The following DNAH17 variants were observed in gnomAD, a reference collection of about 807,000 sequenced individuals.
DNAH17 encodes the protein dynein axonemal heavy chain 17, also known as axonemal beta dynein heavy chain 17.
A neutral mutation model predicts 485.6 loss-of-function variants in DNAH17; 376 were observed. That is an observed-to-expected ratio of 0.77 (90% confidence interval 0.71 to 0.84). The LOEUF is 0.84. DNAH17 is among the 40% of genes least tolerant of loss of function. The pLI, the probability that DNAH17 is intolerant of heterozygous loss-of-function variation, is 0.00. For missense variants in DNAH17, 6,370 were observed against 5,839.3 expected (o/e 1.09, Z -2.96); for synonymous variants, 3,031 against 2,405.9 (o/e 1.26, Z -7.60).
At chr17:78,484,262 C>T (rs2089484849) in intron 48 of DNAH17, among the ~76,000 whole-genome samples, 1 of 151,900 alleles carries the variant, frequency 6.6e-6, no homozygotes, top group South Asian at 2.1e-4. Flanking sequence ...CCCTGGGCAC[C>T]CTCTGCCTCT....
chr17:78,543,801 C>G (rs888823405), intron 17 of DNAH17, 56 bp downstream of exon 17: 1 of 1,612,316 alleles, frequency 6.2e-7, no homozygotes, highest in Admixed American at 1.7e-5. Flanking sequence ...GGTTTACTCT[C>G]TCCTCCCTGC....
At chr17:78,526,590 A>T in intron 24 of DNAH17, 61 bp downstream of exon 24, 1 of 1,403,960 alleles carries the variant, frequency 7.1e-7, no homozygotes, top group Non-Finnish European at 9.7e-7. Flanking sequence ...TAACTACTTG[A>T]GAAAAGAAAG....
At chr17:78,447,295 C>G (rs565344924) in intron 69 of DNAH17, among the ~76,000 whole-genome samples, 2 of 152,194 alleles carry the variant, frequency 1.3e-5, no homozygotes, top group Admixed American at 6.5e-5. Context: ...TGGACAGATG[C>G]TGGACACCTG....
At chr17:78,450,566 G>T in intron 67 of DNAH17, 116 bp downstream of exon 67, 1 of 1,436,886 alleles carries the variant, frequency 7.0e-7, no homozygotes, top group East Asian at 2.5e-5. Flanking sequence ...GGGCCCACTC[G>T]GGCACGTATG....
chr17:78,448,979 T>G (rs1251899406), intron 69 of DNAH17, among the ~76,000 whole-genome samples: 1 of 152,254 alleles, frequency 6.6e-6, no homozygotes, highest in Non-Finnish European at 1.5e-5. Context: ...TTTAATCAAT[T>G]TCAGAGAATG....
chr17:78,543,287 G>GTA (rs1200669389), intron 17 of DNAH17, among the ~76,000 whole-genome samples: 4 of 139,268 alleles, frequency 2.9e-5, no homozygotes, highest in African/African-American at 1.1e-4. Flanking sequence ...GTTAATTTTT[G>GTA]TTTTTTTTTT....
At chr17:78,461,792 GC>G in intron 57 of DNAH17, 84 bp from the exon 58 acceptor site, 1 of 1,379,600 alleles carries the variant, frequency 7.2e-7, no homozygotes, top group Non-Finnish European at 9.8e-7. Flanking sequence ...AGGGCTGGGA[GC>G]CACAGAGGGG....
Position 78,572,901 on chromosome 17 carries a change from G to C in DNAH17, c.346-7C>G. On this transcript the variant is annotated splice_polypyrimidine_tract_variant and splice_region_variant and intron_variant, in intron 2 of 80. Transcript: ENST00000389840. ...TTAACAGAGAAGAGAGGACCTAAAA[G>C]GAAACACTTCTGTGGTTCCGCCCCC... 3.7e-6 allele frequency: 6 copies of C among 1,612,620 alleles called. No homozygotes were observed. In the South Asian group the frequency reaches 5.5e-5, roughly 15 times the overall value.
At chr17:78,572,594 G>T in intron 3 of DNAH17, 107 bp downstream of exon 3, 1 of 1,069,800 alleles carries the variant, frequency 9.3e-7, no homozygotes, top group Non-Finnish European at 1.3e-6. Context: ...AAGCCACTCT[G>T]CAGGGAAACA....
intron 70 of DNAH17, 104 bp downstream of exon 70, chr17:78,445,454 G>C: frequency 6.9e-7 from 1 of 1,442,938 alleles, no homozygotes; most frequent in Non-Finnish European, 9.2e-7. Flanking sequence ...GAATTTATGG[G>C]CCACAGAGCC....
intron 26 of DNAH17, 144 bp downstream of exon 26, chr17:78,514,630 C>T: frequency 8.7e-7 from 1 of 1,149,808 alleles, no homozygotes; most frequent in Admixed American, 2.7e-5. Flanking sequence ...GCGCAGGTCA[C>T]TTGTGCACGA....
chr17:78,485,044 C>T lies in DNAH17; in HGVS notation c.7484-11G>A. ...GCTTCTCCAGCACCCCTAGAGAGGG[C>T]AGAGGGTCAGCTGCCCGCCTGCGCC... On this transcript the variant is annotated splice_polypyrimidine_tract_variant and intron_variant, in intron 47 of 80. Transcript: ENST00000389840. 2.5e-6 allele frequency: 4 copies of T among 1,593,600 alleles called. No homozygotes were observed. Among genetic ancestry groups the T allele is most frequent in the Non-Finnish European group, 3.4e-6 (4 of 1,170,252 alleles).
rs4969208 is a variant in DNAH17 at position 78,476,926 on chromosome 17, G to T, written c.7993-193C>A. Among the ~76,000 whole-genome samples the T allele has an allele frequency of 5.1e-3, 781 of 152,286 alleles. 15 individuals are homozygous for T. In the South Asian group the frequency reaches 0.057, roughly 11 times the overall value. On this transcript the variant is annotated intron_variant, in intron 51 of 80. Transcript: ENST00000389840. Reference sequence around the variant, plus strand: ...CCAAAAATCCCGGATGCCAGTGTGTGTGTGTGTCCTGAGAGATGTGGAGTT... The same window carrying T: ...CCAAAAATCCCGGATGCCAGTGTGTTTGTGTGTCCTGAGAGATGTGGAGTT...
Position 78,476,718 on chromosome 17 carries a change from T to C in DNAH17, c.8008A>G (p.Thr2670Ala), listed in dbSNP as rs752110895. The part of the protein sequence containing the change: ...SNIFQGLLFS[T>A]AEVLKTPLDL... The stretch of plus-strand genomic sequence containing the variant: ...AGTGGGGTTTTCAGAACTTCTGCTG[T>C]GGAAAATAAGAGTCCCTGCCCCAAA... The change falls in exon 52 of 81, where the codon ACA becomes GCA. Residue 2670 changes from threonine (T) to alanine (A), a missense_variant. Transcript: ENST00000389840. 3 of 1,612,394 alleles carry C rather than the reference T, an allele frequency of 1.9e-6. No individual in the cohort carries two copies. In the East Asian group the frequency reaches 6.7e-5, roughly 36 times the overall value.
intron 41 of DNAH17, 89 bp from the exon 42 acceptor site, chr17:78,492,854 G>GATTTTTTTTTTT (rs1446455641): frequency 2.3e-6 from 1 of 425,580 alleles, no homozygotes; most frequent in Admixed American, 9.9e-5. Flanking sequence ...GGGCCTGGAT[G>GATTTTTTTTTTT]GTTTTTTTTT....
intron 54 of DNAH17, among the ~76,000 whole-genome samples, chr17:78,473,626 C>T (rs1210412029): frequency 6.6e-6 from 1 of 151,438 alleles, no homozygotes; most frequent in Non-Finnish European, 1.5e-5. Context: ...AATTCCACAG[C>T]CCAGATCACA....
chr17:78,427,683 A>T (rs1053490402), intron 77 of DNAH17, among the ~76,000 whole-genome samples: 4 of 152,196 alleles, frequency 2.6e-5, no homozygotes, highest in African/African-American at 9.6e-5. Flanking sequence ...TTCTATTAAG[A>T]AGTACAGGCC....
intron 54 of DNAH17, among the ~76,000 whole-genome samples, chr17:78,473,999 G>A (rs990634523): frequency 1.3e-5 from 2 of 152,132 alleles, no homozygotes; most frequent in Admixed American, 6.5e-5. Context: ...AGAGCAGGCC[G>A]GCCCCTTTAT....
At chr17:78,510,698 T>G in intron 26 of DNAH17, 192 bp from the exon 27 acceptor site, 1 of 688,624 alleles carries the variant, frequency 1.5e-6, no homozygotes, top group Non-Finnish European at 2.4e-6. Context: ...CTCACCTTCC[T>G]TCCCTGTAAA....
Sources: allele counts gnomAD v4.1 joint callset (sites outside exome capture counted in the v4.1 genomes callset), GRCh38; gene constraint gnomAD v4.1.1; transcripts MANE v1.5; gene names NCBI Gene and HGNC (gene_info 2026-07-23, HGNC 2026-07-21).